Variants in CSMD1 observed in about 807,000 individuals in gnomAD.
CSMD1 encodes CUB and sushi domain-containing protein 1.
A neutral mutation model predicts 417.5 loss-of-function variants in CSMD1; 213 were observed. That is an observed-to-expected ratio of 0.51 (90% CI 0.46 to 0.57). The LOEUF (loss-of-function observed/expected upper bound fraction) is 0.57. Ranked by LOEUF, CSMD1 falls within the 20% of genes least tolerant of loss-of-function variation. CSMD1 has a pLI of 0.00. For synonymous variants in CSMD1, 2,862 were observed against 1,736.8 expected (o/e 1.65, Z -16.11); for missense variants, 6,923 against 4,529.7 (o/e 1.53, Z -15.17).
chr8:3,366,775 C>T (rs1809599493), intron 20 of CSMD1, among the ~76,000 whole-genome samples: 1 of 152,156 alleles, frequency 6.6e-6, no homozygotes, highest in Admixed American at 6.5e-5. Context: ...GTAGTGACAT[C>T]TACAGATTTT....
intron 1 of CSMD1, among the ~76,000 whole-genome samples, chr8:4,649,727 C>G (rs1803764993): frequency 6.6e-6 from 1 of 152,228 alleles, no homozygotes; most frequent in Admixed American, 6.5e-5. Flanking sequence ...GAGCCGAAGG[C>G]TAAATTCTGT....
intron 25 of CSMD1, among the ~76,000 whole-genome samples, chr8:3,286,012 T>C (rs1350957212): frequency 1.3e-5 from 2 of 152,122 alleles, no homozygotes; most frequent in Admixed American, 6.5e-5. Context: ...GTGTGTGATG[T>C]TCCCCTTCCT....
intron 10 of CSMD1, among the ~76,000 whole-genome samples, chr8:3,553,866 A>G (rs1468238124): frequency 6.6e-6 from 1 of 152,224 alleles, no homozygotes; most frequent in Non-Finnish European, 1.5e-5. Context: ...CATATGCCAA[A>G]CACGTACACA....
intron 42 of CSMD1, among the ~76,000 whole-genome samples, chr8:3,112,362 C>A (rs1391377084): frequency 6.6e-6 from 1 of 152,170 alleles, no homozygotes; most frequent in Non-Finnish European, 1.5e-5. Flanking sequence ...CTTGTAGTTA[C>A]ATAACCACAT....
At chr8:4,156,962 C>G (rs1308483984) in intron 3 of CSMD1, among the ~76,000 whole-genome samples, 4 of 152,098 alleles carry the variant, frequency 2.6e-5, no homozygotes, top group Non-Finnish European at 5.9e-5. Flanking sequence ...AACTTTGCAA[C>G]TGCTTGGCAG....
intron 3 of CSMD1, among the ~76,000 whole-genome samples, chr8:4,236,713 A>G (rs1035272828): frequency 6.6e-6 from 1 of 152,232 alleles, no homozygotes; most frequent in Non-Finnish European, 1.5e-5. Flanking sequence ...GTAAAATGGC[A>G]ATAATCACTG....
At chr8:3,875,957 A>C (rs2129116800) in intron 5 of CSMD1, among the ~76,000 whole-genome samples, 1 of 151,866 alleles carries the variant, frequency 6.6e-6, no homozygotes, top group South Asian at 2.1e-4. Context: ...AAATTTATGG[A>C]GTAACTGTAA....
Position 3,151,461 on chromosome 8 carries a change from G to T in CSMD1, c.5967C>A (p.Gly1989=). 6 of 1,613,872 alleles carry T rather than the reference G, an allele frequency of 3.7e-6. No individual in the cohort carries two copies. The highest frequency in any genetic ancestry group is 4.2e-6 in the Non-Finnish European group (5 of 1,179,906). The change falls in exon 40 of 70, where the codon GGC becomes GGA. Residue 1989 remains glycine, a synonymous_variant. Transcript: ENST00000635120. ...AGTTGTTGGGGTAAGAACCTGGGAA[G>T]CCGGGGCTCAGGATCACACCACCCA... ...STLGGVILSP[G]FPGSYPNNLD...
chr8:4,950,827 G>C (rs1808694649), intron 1 of CSMD1, among the ~76,000 whole-genome samples: 1 of 151,964 alleles, frequency 6.6e-6, no homozygotes, highest in Non-Finnish European at 1.5e-5. Context: ...GTGACCATTA[G>C]GAGCACCACT....
In CSMD1 at chr8:3,430,873, C is replaced by T. The variant is rs1370273631; in HGVS notation, c.1562-21268G>A. ...ATATAAGATAGGTTCTATTGTTTACCTTATTTTACAGATAAAATAATTGAA... is the reference window on the plus strand; with the variant it reads ...ATATAAGATAGGTTCTATTGTTTACTTTATTTTACAGATAAAATAATTGAA... On this transcript the variant is annotated intron_variant, in intron 12 of 69. Transcript: ENST00000635120. 2.0e-5 allele frequency among the ~76,000 whole-genome samples: 3 copies of T among 152,060 alleles called. No individual in the cohort carries two copies. The South Asian group carries it at 6.2e-4, about 32-fold the overall frequency.
chr8:4,106,942 C>T (rs1327061934), intron 3 of CSMD1, among the ~76,000 whole-genome samples: 2 of 152,188 alleles, frequency 1.3e-5, no homozygotes, highest in Non-Finnish European at 2.9e-5. Flanking sequence ...CGTTGTGGTT[C>T]TCAGTTTCAC....
chr8:3,857,446 G>C (rs1450508213), intron 5 of CSMD1, among the ~76,000 whole-genome samples: 1 of 152,304 alleles, frequency 6.6e-6, no homozygotes, highest in Non-Finnish European at 1.5e-5. Context: ...AGCCAGATGG[G>C]ACCTTGGAGA....
At chr8:4,954,285 C>G (rs750531214) in intron 1 of CSMD1, among the ~76,000 whole-genome samples, 7 of 152,100 alleles carry the variant, frequency 4.6e-5, no homozygotes, top group Non-Finnish European at 8.8e-5. Context: ...AGTGTTACAA[C>G]AGAGGTGCAA....
At chr8:4,943,307 G>A (rs13259295) in intron 1 of CSMD1, among the ~76,000 whole-genome samples, 148,078 of 152,022 alleles carry the variant, frequency 0.97, 72,192 homozygotes, top group East Asian at 1. Flanking sequence ...CGTCCTGGCT[G>A]ACACTATGAA....
chr8:4,867,935 C>T (rs909409146), intron 1 of CSMD1, among the ~76,000 whole-genome samples: 2 of 141,484 alleles, frequency 1.4e-5, no homozygotes, highest in South Asian at 2.4e-4. Context: ...CTACTGTCTA[C>T]GTGTGTGTGT....
intron 1 of CSMD1, among the ~76,000 whole-genome samples, chr8:4,660,056 G>T (rs1278989230): frequency 7.0e-6 from 1 of 142,454 alleles, no homozygotes; most frequent in Non-Finnish European, 1.5e-5. Context: ...CCTAAGATTG[G>T]ATAAAAGAAA....
intron 3 of CSMD1, among the ~76,000 whole-genome samples, chr8:4,271,090 A>G (rs1446266108): frequency 2.6e-5 from 4 of 152,228 alleles, no homozygotes; most frequent in Non-Finnish European, 5.9e-5. Flanking sequence ...TGAAGCTTTC[A>G]AAGTCCACTC....
At chr8:3,477,759 G>C (rs1563076130) in intron 11 of CSMD1, among the ~76,000 whole-genome samples, 1 of 152,158 alleles carries the variant, frequency 6.6e-6, no homozygotes, top group South Asian at 2.1e-4. Context: ...TTCAGATACA[G>C]TATTGAGGAG....
intron 10 of CSMD1, among the ~76,000 whole-genome samples, chr8:3,549,608 T>C (rs1328754344): frequency 6.6e-6 from 1 of 152,194 alleles, no homozygotes; most frequent in African/African-American, 2.4e-5. Context: ...AGAGTGTGGC[T>C]TTTTAAAAAC....
Sources: gnomAD v4.1 joint callset for allele counts (sites outside exome capture counted in the v4.1 genomes callset) on GRCh38, gnomAD v4.1.1 for gene constraint, MANE v1.5 for transcripts, NCBI Gene and HGNC (gene_info 2026-07-23, HGNC 2026-07-21) for gene names.